RCC1L: variants seen among roughly 807,000 people sequenced by gnomAD.
RCC1L encodes the protein RCC1-like G exchanging factor-like protein.
RCC1L carries 46 observed loss-of-function variants against 58.6 expected under a neutral mutation model. That is an observed-to-expected ratio of 0.79 (90% CI 0.62 to 1.00). The LOEUF is 1.00. Ranked by LOEUF, RCC1L falls within the 50% of genes least tolerant of loss-of-function variation. The probability of loss-of-function intolerance (pLI) is 0.00; values close to 1 mark genes in which losing one functional copy is unlikely to be tolerated. For missense variants in RCC1L, 636 were observed against 623.6 expected (o/e 1.02, Z -0.21); for synonymous variants, 281 against 262.9 (o/e 1.07, Z -0.67).
intron 10 of RCC1L, among the ~76,000 whole-genome samples, chr7:75,030,477 G>T (rs991807510): frequency 2.0e-5 from 3 of 152,192 alleles, no homozygotes; most frequent in Non-Finnish European, 2.9e-5. Flanking sequence ...TACTCTGGAG[G>T]GGGGCAAAGG....
At chr7:75,048,263 C>G (rs1454373445) in intron 10 of RCC1L, among the ~76,000 whole-genome samples, 2 of 71,594 alleles carry the variant, frequency 2.8e-5, no homozygotes, top group East Asian at 1.0e-3. Flanking sequence ...CAGGACATCG[C>G]CTCAAAAAAA....
chr7:75,068,131 C>A (rs1309182327), intron 2 of RCC1L, among the ~76,000 whole-genome samples: 1 of 151,340 alleles, frequency 6.6e-6, no homozygotes, highest in Non-Finnish European at 1.5e-5. Flanking sequence ...ACCAGCCTGA[C>A]CAACGTGGAG....
At chr7:75,047,086 T>C (rs1805745543) in intron 10 of RCC1L, among the ~76,000 whole-genome samples, 1 of 151,720 alleles carries the variant, frequency 6.6e-6, no homozygotes, top group Non-Finnish European at 1.5e-5. Flanking sequence ...GCCCCCCAAG[T>C]AGCTGGGATT....
rs1805612849 is a variant in RCC1L, at chr7:75,043,047, G to C, written c.1380C>G (p.Ala460=). 3.1e-6 allele frequency: 5 copies of C among 1,614,024 alleles called. No individual in the cohort carries two copies. Among genetic ancestry groups the C allele is most frequent in the Non-Finnish European group, 4.2e-6 (5 of 1,179,868 alleles). Reference sequence around the variant, plus strand: ...TGAGGGAGGTTTAGATGAATGACTTGGCCAGGGTCACCATGTGGTCCACGC... The same window carrying C: ...TGAGGGAGGTTTAGATGAATGACTTCGCCAGGGTCACCATGTGGTCCACGC... ...ACGVDHMVTL[A]KSFI is the part of the protein sequence containing the mutation. The change falls in exon 11 of 11, where the codon GCC becomes GCG. Residue 460 remains alanine, a synonymous_variant. Transcript: ENST00000610322.
At chr7:75,055,431 T>TTAC (rs1205179755) in intron 9 of RCC1L, 2 of 193,030 alleles carry the variant, frequency 1.0e-5, no homozygotes, top group African/African-American at 2.3e-5. Flanking sequence ...ATCGGTAGAT[T>TTAC]TACCTCCGTG....
chr7:75,055,808 T>C, intron 9 of RCC1L, 93 bp downstream of exon 9: 2 of 1,478,260 alleles, frequency 1.4e-6, no homozygotes. Context: ...GTTGGATGGG[T>C]GGAACCTGAG....
intron 10 of RCC1L, among the ~76,000 whole-genome samples, chr7:75,033,834 A>T (rs1220677415): frequency 6.6e-6 from 1 of 151,958 alleles, no homozygotes; most frequent in African/African-American, 2.4e-5. Context: ...CTCCAGCCTG[A>T]GCAACAGAAC....
At position 75,042,728 on chromosome 7, in the gene RCC1L, C is replaced by A; in HGVS notation, c.*304G>T. ...GCTTTCCTAAGACGGGCTTCTCAGG[C>A]GAGACGTGACACCAGACACCGTCGC... is the stretch of plus-strand genomic sequence containing the variant. On this transcript the variant is annotated 3_prime_UTR_variant, in exon 11 of 11. Coordinates refer to ENST00000610322, the MANE Select transcript of RCC1L (RefSeq NM_030798.5). The A allele has an allele frequency of 1.5e-6, 2 of 1,316,092 alleles. No homozygotes were observed. Among genetic ancestry groups the A allele is most frequent in the South Asian group, 1.7e-5 (1 of 57,222 alleles). 81.5% of individuals were successfully genotyped at this position (1,316,092 alleles called of 1,614,324 possible). A position where few individuals can be genotyped will look rare whatever the true frequency, so the allele number is the denominator to read the frequency against.
At chr7:75,040,956 G>A (rs1017944249), downstream of RCC1L, among the ~76,000 whole-genome samples, 4 of 151,970 alleles carry the variant, frequency 2.6e-5, no homozygotes, top group Non-Finnish European at 4.4e-5. Flanking sequence ...GGTGGCTCAC[G>A]CCTGTAATCC....
chr7:75,042,100 C>T (rs1487940880), downstream of RCC1L: 2 of 822,984 alleles, frequency 2.4e-6, no homozygotes, highest in Non-Finnish European at 2.9e-6. Context: ...TTTTCACTGG[C>T]TTCTGCCTCT....
intron 8 of RCC1L, chr7:75,056,481 T>C: frequency 6.8e-7 from 1 of 1,465,244 alleles, no homozygotes; most frequent in Non-Finnish European, 9.0e-7. Flanking sequence ...CAACAATGTC[T>C]GGCCAGATTC....
At position 75,073,512 on chromosome 7, in the gene RCC1L, A is replaced by G; in HGVS notation, c.226T>C (p.Ser76Pro). The G allele has an allele frequency of 1.4e-6, 2 of 1,435,056 alleles. No individual in the cohort carries two copies. Among genetic ancestry groups the G allele is most frequent in the Non-Finnish European group, 9.1e-7 (1 of 1,101,094 alleles). 88.9% of individuals were successfully genotyped at this position (1,435,056 alleles called of 1,614,324 possible). Residue 76 changes from serine to proline, a missense_variant, in exon 1 of 11, where the codon TCC becomes CCC. Transcript: ENST00000610322. Reference protein sequence around the residue: ...FSFSGALGVPSFVVPSSGPGP... With the variant: ...FSFSGALGVPPFVVPSSGPGP... Reference sequence around the variant, plus strand: ...GGCCCGGAGCTGGGCACCACAAAGGAAGGCACGCCCAGCGCCCCCGAGAAG... The same window carrying G: ...GGCCCGGAGCTGGGCACCACAAAGGGAGGCACGCCCAGCGCCCCCGAGAAG...
intron 2 of RCC1L, among the ~76,000 whole-genome samples, chr7:75,069,992 T>C (rs1281588429): frequency 1.3e-5 from 2 of 152,208 alleles, no homozygotes; most frequent in Non-Finnish European, 2.9e-5. Context: ...AAAGCCTCCA[T>C]GTTAACGATT....
At chr7:75,065,201 AAAAG>A (rs1472890287) in intron 3 of RCC1L, among the ~76,000 whole-genome samples, 2 of 152,056 alleles carry the variant, frequency 1.3e-5, no homozygotes, top group African/African-American at 2.4e-5. Context: ...AAAAAAAAAA[AAAAG>A]AAAGAGCTCC....
downstream of RCC1L, among the ~76,000 whole-genome samples, chr7:75,039,166 C>G (rs1019800422): frequency 0.11 from 16,672 of 152,228 alleles, 957 homozygotes; most frequent in South Asian, 0.12. Context: ...GCAGCTCCCA[C>G]TGCCGTCCAG....
Position 75,042,771 on chromosome 7 carries a change from C to T in RCC1L, c.*261G>A. 7.1e-7 allele frequency: 1 copy of T among 1,413,602 alleles called. No homozygotes were observed. The highest frequency in any genetic ancestry group is 9.3e-7 in the Non-Finnish European group (1 of 1,077,350). 87.6% of individuals were successfully genotyped at this position (1,413,602 alleles called of 1,614,324 possible). On this transcript the variant is annotated 3_prime_UTR_variant, in exon 11 of 11. Coordinates refer to ENST00000610322, the MANE Select transcript of RCC1L (RefSeq NM_030798.5). ...ACCGTCGCATGTTACTTGGAGAGAA[C>T]AGAGACGTGCGGGCCACAGCGGCCC...
intron 4 of RCC1L, 82 bp downstream of exon 4, chr7:75,064,500 G>C (rs587657252): frequency 6.5e-7 from 1 of 1,527,166 alleles, no homozygotes; most frequent in Non-Finnish European, 9.1e-7. Context: ...TGACCGCCCC[G>C]CGGGTTTACC....
intron 10 of RCC1L, among the ~76,000 whole-genome samples, chr7:75,051,323 TACAC>T (rs1175274941): frequency 4.1e-5 from 6 of 147,984 alleles, no homozygotes; most frequent in African/African-American, 7.5e-5. Context: ...CACACATATA[TACAC>T]ACACACACAC....
chr7:75,041,370 GC>G (rs1805560737), downstream of RCC1L, among the ~76,000 whole-genome samples: 1 of 152,058 alleles, frequency 6.6e-6, no homozygotes, highest in African/African-American at 2.4e-5. Flanking sequence ...GCTTCACGGT[GC>G]GGGGATTTTT....
Sources: gnomAD v4.1 joint callset for allele counts (sites outside exome capture counted in the v4.1 genomes callset) on GRCh38, gnomAD v4.1.1 for gene constraint, MANE v1.5 for transcripts, NCBI Gene and HGNC (gene_info 2026-07-23, HGNC 2026-07-21) for gene names.